Variants in CLDN16 observed in about 807,000 individuals in gnomAD.
CLDN16 encodes claudin 16.
In CLDN16, 13 loss-of-function variants were observed where a neutral mutation model predicts 24.6. The ratio of observed to expected loss-of-function variants is 0.53; its 90% CI spans 0.34 to 0.84. The LOEUF (loss-of-function observed/expected upper bound fraction) is 0.84, where lower values mean the gene tolerates loss of function less well. CLDN16 is among the 40% of genes least tolerant of loss of function. CLDN16 has a pLI of 0.01. For missense variants in CLDN16, 298 were observed against 292.7 expected, an observed-to-expected ratio of 1.02 and a Z score of -0.13; for synonymous variants, 116 against 106.7, an observed-to-expected ratio of 1.09 and a Z score of -0.54.
chr3:190,355,280 G>T (rs1252290274), intron 1 of CLDN16, among the ~76,000 whole-genome samples: 1 of 151,600 alleles, frequency 6.6e-6, no homozygotes. Context: ...CTTTAACTTT[G>T]TTTTTTTAAT....
At chr3:190,341,209 G>T (rs910185540) in intron 1 of CLDN16, among the ~76,000 whole-genome samples, 1 of 152,164 alleles carries the variant, frequency 6.6e-6, no homozygotes, top group Non-Finnish European at 1.5e-5. Context: ...GACTCTATGT[G>T]GGGGCTCCAA....
chr3:190,322,302 C>T (rs548075693), upstream of CLDN16: 193 of 1,118,460 alleles, frequency 1.7e-4, no homozygotes, highest in East Asian at 3.7e-3. Context: ...GTGGCTGGGC[C>T]CCGCGGAGGA....
At chr3:190,299,760 A>C in the CLDN16 span, among the ~76,000 whole-genome samples, 1 of 152,096 alleles carries the variant, frequency 6.6e-6, no homozygotes, top group African/African-American at 2.4e-5. Flanking sequence ...TGTACTCTCT[A>C]TTCTATCCCA....
intron 1 of CLDN16, among the ~76,000 whole-genome samples, chr3:190,332,157 A>C (rs1235914145): frequency 6.6e-6 from 1 of 152,208 alleles, no homozygotes; most frequent in Non-Finnish European, 1.5e-5. Context: ...AAGAATAAAG[A>C]CATGTATATA....
intron 1 of CLDN16, among the ~76,000 whole-genome samples, chr3:190,368,847 C>T (rs901633735): frequency 3.3e-5 from 5 of 151,920 alleles, no homozygotes; most frequent in Admixed American, 6.6e-5. Context: ...TCTAAGCTAG[C>T]CAAACCCTTT....
intron 1 of CLDN16, among the ~76,000 whole-genome samples, chr3:190,400,111 A>G (rs12489000): frequency 0.2 from 29,950 of 152,104 alleles, 3,213 homozygotes; most frequent in East Asian, 0.36. Context: ...CCACTGGTAT[A>G]GAACACTGGA....
intron 1 of CLDN16, among the ~76,000 whole-genome samples, chr3:190,393,646 T>G (rs555118100): frequency 6.6e-6 from 1 of 152,270 alleles, no homozygotes; most frequent in African/African-American, 2.4e-5. Flanking sequence ...TTTTGCATAA[T>G]GTTCGCTGAA....
At chr3:190,328,439 T>C (rs971919229) in intron 1 of CLDN16, among the ~76,000 whole-genome samples, 1 of 152,238 alleles carries the variant, frequency 6.6e-6, no homozygotes, top group Non-Finnish European at 1.5e-5. Flanking sequence ...AAGAAATATG[T>C]GTATCTCACA....
At chr3:190,326,486 T>G (rs1717064423) in intron 1 of CLDN16, among the ~76,000 whole-genome samples, 2 of 152,150 alleles carry the variant, frequency 1.3e-5, no homozygotes, top group African/African-American at 2.4e-5. Flanking sequence ...CTCCAAGCCT[T>G]GCGATGTTTT....
chr3:190,315,280 G>T, the CLDN16 span, among the ~76,000 whole-genome samples: 19 of 152,128 alleles, frequency 1.2e-4, no homozygotes, highest in African/African-American at 4.6e-4. Flanking sequence ...ATCTCAGTTT[G>T]CCTGGAACAG....
intron 1 of CLDN16, among the ~76,000 whole-genome samples, chr3:190,362,041 G>GTCTAACCTGA (rs1310647338): frequency 7.6e-5 from 11 of 144,748 alleles, no homozygotes; most frequent in Non-Finnish European, 1.7e-4. Context: ...GTCTAACCTG[G>GTCTAACCTGA]TCTAACCTGT....
At chr3:190,291,729 A>ATAC in the CLDN16 span, among the ~76,000 whole-genome samples, 2 of 152,258 alleles carry the variant, frequency 1.3e-5, no homozygotes, top group South Asian at 4.1e-4. Context: ...AATAATAATA[A>ATAC]TAAAGTTAGT....
intron 1 of CLDN16, among the ~76,000 whole-genome samples, chr3:190,366,282 TTTCCA>T (rs929209002): frequency 6.6e-6 from 1 of 151,954 alleles, no homozygotes; most frequent in African/African-American, 2.4e-5. Context: ...CATGTATTAC[TTTCCA>T]ACATTATGCC....
At chr3:190,335,585 G>A (rs1422660892) in intron 1 of CLDN16, among the ~76,000 whole-genome samples, 1 of 151,886 alleles carries the variant, frequency 6.6e-6, no homozygotes, top group African/African-American at 2.4e-5. Context: ...GGTGGTGCAT[G>A]CCTGTAGCCC....
chr3:190,351,224 T>C (rs1443352068), intron 1 of CLDN16, among the ~76,000 whole-genome samples: 1 of 151,958 alleles, frequency 6.6e-6, no homozygotes, highest in Admixed American at 6.6e-5. Context: ...GCTGTCACCA[T>C]GCTTTCTGGA....
chr3:190,363,592 A>T (rs1717953655), intron 1 of CLDN16, among the ~76,000 whole-genome samples: 1 of 130,352 alleles, frequency 7.7e-6, no homozygotes. Context: ...ATATATATAT[A>T]TATATTTTCT....
At chr3:190,310,211 A>C in the CLDN16 span, 1 of 1,613,920 alleles carries the variant, frequency 6.2e-7, no homozygotes, top group Non-Finnish European at 8.5e-7. Context: ...TTCTTGAACG[A>C]TTCTATTGCC....
At chr3:190,357,394 G>C (rs1717797065) in intron 1 of CLDN16, among the ~76,000 whole-genome samples, 1 of 151,788 alleles carries the variant, frequency 6.6e-6, no homozygotes, top group South Asian at 2.1e-4. Context: ...CAATACTTTG[G>C]TTCAAACACT....
At chr3:190,301,068 C>T in the CLDN16 span, among the ~76,000 whole-genome samples, 3 of 152,210 alleles carry the variant, frequency 2.0e-5, no homozygotes, top group Non-Finnish European at 4.4e-5. Context: ...TTCAACTTGA[C>T]TCAATCCTGT....
Sources: allele counts gnomAD v4.1 joint callset (sites outside exome capture counted in the v4.1 genomes callset), GRCh38; gene constraint gnomAD v4.1.1; transcripts MANE v1.5; gene names NCBI Gene and HGNC (gene_info 2026-07-23, HGNC 2026-07-21).